Variants in SLC4A11 observed in about 807,000 individuals in gnomAD.
SLC4A11 encodes the protein solute carrier family 4 member 11.
Under a neutral mutation model 95.0 loss-of-function variants are expected in SLC4A11, and 74 were observed. The ratio of observed to expected loss-of-function variants is 0.78; its 90% CI spans 0.65 to 0.95. SLC4A11 has a LOEUF of 0.95. Ranked by LOEUF, SLC4A11 falls within the 40% of genes least tolerant of loss-of-function variation. The pLI is 0.00. For synonymous variants in SLC4A11, 548 were observed against 519.0 expected (o/e 1.06, Z -0.76); for missense variants, 1,081 against 1,192.4 (o/e 0.91, Z 1.38).
At position 3,234,327 on chromosome 20, in the gene SLC4A11, C is replaced by G; in HGVS notation, c.292-13G>C. ...TTAACTTCAGGTACTGAGGGGACCC[C>G]AGGGACAGAACCACACGGGCCCATG... is the stretch of plus-strand genomic sequence containing the variant. On this transcript the variant is annotated splice_polypyrimidine_tract_variant and intron_variant, in intron 4 of 19. Transcript: ENST00000642402. The surrounding 1 kb of genome is among the most constrained non-coding windows in gnomAD (Gnocchi z 5.8). The G allele has an allele frequency of 6.2e-7, 1 of 1,612,180 alleles. No individual in the cohort carries two copies.
rs373679606 is a variant in SLC4A11, at chr20:3,228,305, T to A, written c.2512A>T (p.Met838Leu). 8 of 1,612,826 alleles carry A rather than the reference T, an allele frequency of 5.0e-6. No individual in the cohort carries two copies. Among genetic ancestry groups the A allele is most frequent in the African/African-American group, 4.0e-5 (3 of 74,774 alleles). Residue 838 changes from methionine (M) to leucine (L), a missense_variant, in exon 19 of 20, where the codon ATG (methionine) becomes TTG (leucine). Met to Leu is a conservative substitution (Grantham distance 15). This residue lies in a region of SLC4A11 where 767 missense variants were observed against 858.0 expected (regional missense o/e 0.89). Coordinates refer to ENST00000642402, the MANE Select transcript of SLC4A11 (RefSeq NM_001174089.2). ...CAFGMSSLPY[M>L]KMIFPLIMIA... ...ATGATGAGGGGAAAGATCATCTTCA[T>A]GTAGGGCAGGGAGCTCATGCCGAAG...
chr20:3,238,124 C>A, intron 1 of SLC4A11: 10 of 1,453,620 alleles, frequency 6.9e-6, no homozygotes, highest in Non-Finnish European at 9.1e-6. Flanking sequence ...GGCCGACAGG[C>A]AACGGTCTCC....
upstream of SLC4A11, chr20:3,239,399 G>A: frequency 9.1e-7 from 1 of 1,096,682 alleles, no homozygotes; most frequent in Non-Finnish European, 1.1e-6. Context: ...GCCCGCAGCT[G>A]CTGGGCCAAA....
Position 3,229,637 on chromosome 20 carries a change from G to C in SLC4A11, c.1629C>G (p.Ser543Arg), listed in dbSNP as rs1370085274. ...HTALNASFLA[S>R]PTELPSATHS... The stretch of plus-strand genomic sequence containing the variant: ...GTGTGGCCGAGGGCAGCTCCGTGGG[G>C]CTGGCGAGGAAGCTGGCGTTGAGGG... Residue 543 changes from serine to arginine, a missense_variant, in exon 14 of 20, where the codon AGC becomes AGG. By Grantham distance (110) the Ser-to-Arg change is moderately radical. Coordinates refer to ENST00000642402, the MANE Select transcript of SLC4A11 (RefSeq NM_001174089.2). The C allele has an allele frequency of 4.3e-6, 7 of 1,613,516 alleles. No individual in the cohort carries two copies. The highest frequency in any genetic ancestry group is 5.9e-6 in the Non-Finnish European group (7 of 1,179,980).
chr20:3,229,998 C>T (rs1056716696), intron 13 of SLC4A11, among the ~76,000 whole-genome samples, 189 bp downstream of exon 13: 3 of 152,158 alleles, frequency 2.0e-5, no homozygotes, highest in Non-Finnish European at 2.9e-5. Flanking sequence ...CCACCTGGGG[C>T]GGCCCCGTCA....
At chr20:3,232,887 C>T (rs1297155300) in intron 7 of SLC4A11, among the ~76,000 whole-genome samples, 3 of 152,176 alleles carry the variant, frequency 2.0e-5, no homozygotes, top group African/African-American at 7.2e-5. Context: ...GGGGCCACTC[C>T]TTCCAACCCA....
chr20:3,227,726 C>G lies in SLC4A11; in HGVS notation c.*61G>C, dbSNP rs2067576387. The G allele has an allele frequency of 6.3e-7, 1 of 1,580,176 alleles. No individual in the cohort carries two copies. Among genetic ancestry groups the G allele is most frequent in the South Asian group, 1.1e-5 (1 of 89,892 alleles). On this transcript the variant is annotated 3_prime_UTR_variant, in exon 20 of 20. Transcript: ENST00000642402. ...CACACCTACACCTCCCCTCACAGCT[C>G]CAGAGCCAGCCTGGGAGGACGTGGA...
intron 1 of SLC4A11, chr20:3,238,297 C>G: frequency 8.4e-7 from 1 of 1,196,254 alleles, no homozygotes; most frequent in East Asian, 3.6e-5. Context: ...GCCTCGCTGT[C>G]GGAGGAAGGA....
intron 7 of SLC4A11, among the ~76,000 whole-genome samples, chr20:3,232,216 T>C (rs1458853047): frequency 1.3e-5 from 2 of 152,242 alleles, no homozygotes; most frequent in East Asian, 3.8e-4. Context: ...GGTTTGACTT[T>C]CAGAGAGGGT....
Position 3,234,978 on chromosome 20 carries a change from C to A in SLC4A11, c.89-84G>T. The A allele has an allele frequency of 6.5e-7, 1 of 1,546,606 alleles. No homozygotes were observed. On this transcript the variant is annotated intron_variant, in intron 2 of 19. Transcript: ENST00000642402. This position sits in a 1 kb window ranked among gnomAD's most constrained non-coding sequence, Gnocchi z 5.8. ...GGGCTCCAAGCCCAGGGAGCAGGGA[C>A]CCCTGGACTGTCCCACTCTCGGGCC...
chr20:3,235,309 T>TCTCACACA (rs1318815472), intron 2 of SLC4A11, among the ~76,000 whole-genome samples: 5 of 123,612 alleles, frequency 4.0e-5, no homozygotes, highest in African/African-American at 1.6e-4. Context: ...TCTCTCTCTC[T>TCTCACACA]CACACACACA....
intron 2 of SLC4A11, among the ~76,000 whole-genome samples, chr20:3,236,057 C>T (rs1009201163): frequency 1.4e-4 from 21 of 152,174 alleles, no homozygotes; most frequent in African/African-American, 4.6e-4. Flanking sequence ...TGATGCCTGA[C>T]AGACACCTGT....
rs146233650 is a variant in SLC4A11, at chr20:3,234,184, C to G, written c.422G>C (p.Arg141Pro). ...GTTGTCAGGGTCCCTGGCGAAGCGG[C>G]GAAGCATGGTCCGCAGCACGTTATC... ...SLDNVLRTML[R>P]RFARDPDNNE... is the part of the protein sequence containing the mutation. Residue 141 changes from arginine (R) to proline (P), a missense_variant, in exon 5 of 20, where the codon CGC becomes CCC. Physicochemically the swap from Arg to Pro is moderately radical, Grantham distance 103. Transcript: ENST00000642402. This position sits in a 1 kb window ranked among gnomAD's most constrained non-coding sequence, Gnocchi z 5.8. 1 of 1,614,056 alleles carries G rather than the reference C, an allele frequency of 6.2e-7. No individual in the cohort carries two copies. The highest frequency in any genetic ancestry group is 8.5e-7 in the Non-Finnish European group (1 of 1,180,004).
rs1175985323 is a variant in SLC4A11, at chr20:3,231,449, C to T, written c.829G>A (p.Glu277Lys). ...TGATGCACCAAGGCCTCCTTGAATT[C>T]CTCCTCTGTGCGGGTCTCCAGGAGC... ...QKLLETRTEE[E>K]FKEALVHQRQ... The change falls in exon 8 of 20, where the codon GAA becomes AAA. Residue 277 changes from glutamate (E) to lysine (K), a missense_variant. Coordinates refer to ENST00000642402, the MANE Select transcript of SLC4A11 (RefSeq NM_001174089.2). The surrounding 1 kb of genome is among the most constrained non-coding windows in gnomAD (Gnocchi z 5.2). 1 of 1,614,116 alleles carries T rather than the reference C, an allele frequency of 6.2e-7. No individual in the cohort carries two copies. The highest frequency in any genetic ancestry group is 1.7e-5 in the Admixed American group (1 of 60,030).
At position 3,231,411 on chromosome 20, in the gene SLC4A11, G is replaced by A. The variant is rs2067773559; in HGVS notation, c.867C>T (p.Leu289=). The A allele has an allele frequency of 1.2e-6, 2 of 1,614,112 alleles. No individual in the cohort carries two copies. The highest frequency in any genetic ancestry group is 1.7e-6 in the Non-Finnish European group (2 of 1,180,032). Residue 289 remains leucine, a synonymous_variant, in exon 8 of 20, where the codon CTC becomes CTT. Coordinates refer to ENST00000642402, the MANE Select transcript of SLC4A11 (RefSeq NM_001174089.2). The surrounding 1 kb of genome is among the most constrained non-coding windows in gnomAD (Gnocchi z 5.2). The part of the protein sequence containing the change: ...KEALVHQRQL[L]TMVSHGPVAP... ...CCACTGGACCGTGGCTCACCATGGTGAGCAGCTGTCTCTGATGCACCAAGG... is the reference window on the plus strand; with the variant it reads ...CCACTGGACCGTGGCTCACCATGGTAAGCAGCTGTCTCTGATGCACCAAGG...
intron 12 of SLC4A11, 108 bp downstream of exon 12, chr20:3,230,407 C>A (rs1305809028): frequency 6.3e-7 from 1 of 1,593,476 alleles, no homozygotes; most frequent in African/African-American, 1.3e-5. Context: ...ACCCCAGCCC[C>A]TTGGGGCAGC....
intron 2 of SLC4A11, 28 bp downstream of exon 2, chr20:3,237,514 GCA>G (rs1275729758): frequency 2.5e-6 from 4 of 1,606,940 alleles, no homozygotes; most frequent in East Asian, 2.2e-5. Flanking sequence ...AGCTCTCTCT[GCA>G]CACACACACT....
chr20:3,231,353 G>C lies in SLC4A11; in HGVS notation c.925C>G (p.Leu309Val). 1 of 1,614,032 alleles carries C rather than the reference G, an allele frequency of 6.2e-7. No homozygotes were observed. The highest frequency in any genetic ancestry group is 8.5e-7 in the Non-Finnish European group (1 of 1,180,014). ...ACCTCTGGGTGTCTGTGGGCAGGGAGGGAGACTGTGCTGCGTTCCTTCGTT... is the reference window on the plus strand; with the variant it reads ...ACCTCTGGGTGTCTGTGGGCAGGGACGGAGACTGTGCTGCGTTCCTTCGTT... ...PRTKERSTVS[L>V]PAHRHPEPPK... Residue 309 changes from leucine to valine, a missense_variant, in exon 8 of 20, where the codon CTC becomes GTC. Around this residue, in one of 3 missense-constraint regions of SLC4A11, gnomAD observed 767 missense variants for 858.0 expected, o/e 0.89. Transcript: ENST00000642402. The surrounding 1 kb of genome is among the most constrained non-coding windows in gnomAD (Gnocchi z 5.2).
chr20:3,234,675 G>A lies in SLC4A11; in HGVS notation c.242-58C>T. 1 of 1,613,834 alleles carries A rather than the reference G, an allele frequency of 6.2e-7. No homozygotes were observed. The highest frequency in any genetic ancestry group is 8.5e-7 in the Non-Finnish European group (1 of 1,179,970). On this transcript the variant is annotated intron_variant, in intron 3 of 19. Coordinates refer to ENST00000642402, the MANE Select transcript of SLC4A11 (RefSeq NM_001174089.2). This position sits in a 1 kb window ranked among gnomAD's most constrained non-coding sequence, Gnocchi z 5.8. Reference sequence around the variant, plus strand: ...CCACCCTCTCCTCAGGTCTTTCTTAGTAAGGCGAGTCACACCTGCCCAGTC... The same window carrying A: ...CCACCCTCTCCTCAGGTCTTTCTTAATAAGGCGAGTCACACCTGCCCAGTC...
Sources: allele counts gnomAD v4.1 joint callset (sites outside exome capture counted in the v4.1 genomes callset), GRCh38; gene constraint gnomAD v4.1.1; regional missense constraint gnomAD v4.1.1; non-coding constraint Gnocchi (gnomAD v3.1); transcripts MANE v1.5; gene names NCBI Gene and HGNC (gene_info 2026-07-23, HGNC 2026-07-21).